The following CDH8 variants were observed in gnomAD, a reference collection of about 807,000 sequenced individuals.
CDH8 encodes the protein cadherin-8.
A neutral mutation model predicts 68.1 loss-of-function variants in CDH8; 17 were observed. The observed-to-expected ratio is 0.25, with a 90% CI of 0.17 to 0.37. The LOEUF (loss-of-function observed/expected upper bound fraction) is 0.37. Ranked by LOEUF, CDH8 falls within the 10% of genes least tolerant of loss-of-function variation. CDH8 has a pLI of 1.00. For synonymous variants in CDH8, 372 were observed against 365.1 expected (o/e 1.02, Z -0.21); for missense variants, 763 against 999.3 (o/e 0.76, Z 3.19).
At chr16:61,662,681 T>C (rs60748848) in intron 10 of CDH8, among the ~76,000 whole-genome samples, 2 of 151,844 alleles carry the variant, frequency 1.3e-5, no homozygotes, top group Non-Finnish European at 2.9e-5. Flanking sequence ...TACAATCAAC[T>C]ATATCTATAT....
intron 7 of CDH8, among the ~76,000 whole-genome samples, chr16:61,801,428 C>G (rs957374774): frequency 1.3e-5 from 2 of 152,182 alleles, no homozygotes; most frequent in African/African-American, 2.4e-5. Context: ...GGGAGCTGGA[C>G]AGCTAGCGGT....
At chr16:61,763,932 A>C (rs765039369) in intron 8 of CDH8, among the ~76,000 whole-genome samples, 1 of 152,246 alleles carries the variant, frequency 6.6e-6, no homozygotes, top group Non-Finnish European at 1.5e-5. Flanking sequence ...ATAATAGTTA[A>C]CAATCGCAAC....
At chr16:61,820,387 G>A (rs1353066631) in intron 6 of CDH8, among the ~76,000 whole-genome samples, 1 of 139,384 alleles carries the variant, frequency 7.2e-6, no homozygotes, top group East Asian at 2.2e-4. Context: ...GGAAGCTTCA[G>A]TGTATTTGGG....
chr16:61,916,470 A>G (rs560881479), intron 2 of CDH8, among the ~76,000 whole-genome samples: 19 of 152,246 alleles, frequency 1.2e-4, no homozygotes, highest in African/African-American at 4.6e-4. Flanking sequence ...AACCGAGATC[A>G]TGCACCTGCA....
At chr16:61,957,095 A>C (rs1965000473) in intron 2 of CDH8, among the ~76,000 whole-genome samples, 1 of 152,164 alleles carries the variant, frequency 6.6e-6, no homozygotes, top group South Asian at 2.1e-4. Context: ...TTATATATTC[A>C]AAATTAGGTT....
Position 61,727,177 on chromosome 16 carries a change from T to A in CDH8, c.1453A>T (p.Lys485Ter). 1 of 1,610,116 alleles carries A rather than the reference T, an allele frequency of 6.2e-7. No individual in the cohort carries two copies. The highest frequency in any genetic ancestry group is 2.2e-5 in the East Asian group (1 of 44,782). The change falls in exon 9 of 12, where the codon AAA becomes TAA. Residue 485 changes from lysine (K) to a stop codon, truncating the protein, a stop_gained. Transcript: ENST00000577390. LOFTEE classifies it high-confidence loss of function. ...SQISRVPVAI[K>*]VLDVNDNAPE... is the part of the protein sequence containing the mutation. ...GCGTTGTCATTGACATCCAGCACTT[T>A]AATAGCAACAGGTACTCGTGATATC...
intron 7 of CDH8, among the ~76,000 whole-genome samples, chr16:61,793,604 T>G (rs550345488): frequency 6.6e-6 from 1 of 152,118 alleles, no homozygotes; most frequent in Non-Finnish European, 1.5e-5. Flanking sequence ...TATGGCTGCA[T>G]AGTATTCCAT....
intron 10 of CDH8, among the ~76,000 whole-genome samples, chr16:61,660,183 A>C (rs1460926179): frequency 6.6e-6 from 1 of 152,174 alleles, no homozygotes; most frequent in South Asian, 2.1e-4. Flanking sequence ...TTCAGAGGAC[A>C]GTTCCCAGTT....
At chr16:61,830,569 T>C (rs1006920273) in intron 4 of CDH8, among the ~76,000 whole-genome samples, 1 of 151,744 alleles carries the variant, frequency 6.6e-6, no homozygotes, top group African/African-American at 2.4e-5. Flanking sequence ...GCCCAAGACA[T>C]AAATTGTGTC....
chr16:61,808,034 A>G (rs541998810), intron 7 of CDH8, among the ~76,000 whole-genome samples: 21 of 152,350 alleles, frequency 1.4e-4, no homozygotes, highest in African/African-American at 5.1e-4. Context: ...AATATATGCA[A>G]AAAGCACTGT....
intron 1 of CDH8, among the ~76,000 whole-genome samples, chr16:62,023,713 G>C (rs1330484066): frequency 6.6e-6 from 1 of 152,152 alleles, no homozygotes; most frequent in Non-Finnish European, 1.5e-5. Context: ...TATGGTGGAG[G>C]ATGAGGATGG....
intron 2 of CDH8, among the ~76,000 whole-genome samples, chr16:61,959,594 G>C (rs1387984640): frequency 6.6e-6 from 1 of 150,906 alleles, no homozygotes; most frequent in Admixed American, 6.6e-5. Flanking sequence ...AGATGTGTGT[G>C]TGTGTATATA....
intron 3 of CDH8, among the ~76,000 whole-genome samples, chr16:61,862,528 G>C (rs1228788941): frequency 6.6e-6 from 1 of 152,088 alleles, no homozygotes; most frequent in Non-Finnish European, 1.5e-5. Flanking sequence ...TTCAGCTTTA[G>C]ACATCTGAAA....
At chr16:61,784,362 G>A (rs879583835) in intron 8 of CDH8, among the ~76,000 whole-genome samples, 3,045 of 149,182 alleles carry the variant, frequency 0.02, 32 homozygotes, top group Middle Eastern at 0.069. Flanking sequence ...AATGGTAAAG[G>A]GATCAATTCA....
intron 10 of CDH8, chr16:61,667,279 A>C (rs1963698866): frequency 6.6e-6 from 1 of 152,086 alleles, no homozygotes; most frequent in Admixed American, 6.6e-5. Flanking sequence ...GCCATAAAAT[A>C]TTGGAGCAAG....
At chr16:61,987,716 A>G (rs1022814173) in intron 2 of CDH8, among the ~76,000 whole-genome samples, 6 of 151,742 alleles carry the variant, frequency 4.0e-5, no homozygotes, top group African/African-American at 1.2e-4. Flanking sequence ...CCCATTACTC[A>G]TATTATAATC....
rs1462152235 is a variant in CDH8 at position 62,021,221 on chromosome 16, T to C, written c.183A>G (p.Arg61=). 8 of 1,613,944 alleles carry C rather than the reference T, an allele frequency of 5.0e-6. No homozygotes were observed. Among genetic ancestry groups the C allele is most frequent in the Non-Finnish European group, 6.8e-6 (8 of 1,179,964 alleles). Residue 61 remains arginine, a synonymous_variant, in exon 2 of 12, where the codon AGA becomes AGG. Coordinates refer to ENST00000577390, the MANE Select transcript of CDH8 (RefSeq NM_001796.5). ...EEQRILNRSK[R]GWVWNQMFVL... is the part of the protein sequence containing the mutation. ...CAAACATTTGATTCCAAACCCAGCC[T>C]CTTTTGGAGCGGTTCAAAATTCGCT...
intron 2 of CDH8, among the ~76,000 whole-genome samples, chr16:62,012,461 C>A (rs984359389): frequency 6.6e-6 from 1 of 152,056 alleles, no homozygotes; most frequent in African/African-American, 2.4e-5. Flanking sequence ...ATGAGATTGG[C>A]CATACAAGTG....
chr16:61,867,380 G>C (rs985529473), intron 3 of CDH8, among the ~76,000 whole-genome samples: 2 of 152,216 alleles, frequency 1.3e-5, no homozygotes, highest in East Asian at 3.9e-4. Flanking sequence ...AGACCAGTAG[G>C]AGAGCCAAAA....
Sources: allele counts gnomAD v4.1 joint callset (sites outside exome capture counted in the v4.1 genomes callset), GRCh38; gene constraint gnomAD v4.1.1; transcripts MANE v1.5; gene names NCBI Gene and HGNC (gene_info 2026-07-23, HGNC 2026-07-21).